Variants in FNDC7 observed in about 807,000 individuals in gnomAD.
The protein encoded by FNDC7 is fibronectin type III domain containing 7, also known as fibronectin type III domain-containing protein 7.
Under a neutral mutation model 74.2 loss-of-function variants are expected in FNDC7, and 66 were observed. That is an observed-to-expected ratio of 0.89 (90% CI 0.73 to 1.09). FNDC7 has a LOEUF of 1.09. Among genes scored for constraint, FNDC7 ranks in the 50% least tolerant of loss-of-function variants. The probability of loss-of-function intolerance (pLI) is 0.00; values close to 1 mark genes in which losing one functional copy is unlikely to be tolerated. For missense variants in FNDC7, 829 were observed against 893.4 expected (o/e 0.93, Z 0.92); for synonymous variants, 307 against 330.2 (o/e 0.93, Z 0.76).
intron 11 of FNDC7, among the ~76,000 whole-genome samples, chr1:108,741,293 G>A (rs957901244): frequency 6.6e-6 from 1 of 152,190 alleles, no homozygotes; most frequent in Non-Finnish European, 1.5e-5. Flanking sequence ...ATCACACCAT[G>A]AGCAGGGGCT....
In FNDC7 at chr1:108,718,023, C is replaced by G. The variant is rs778768706; in HGVS notation, c.329C>G (p.Ala110Gly). 6.4e-7 allele frequency: 1 copy of G among 1,551,350 alleles called. No individual in the cohort carries two copies. The highest frequency in any genetic ancestry group is 1.4e-5 in the African/African-American group (1 of 73,046). The change falls in exon 3 of 13, where the codon GCA (alanine) becomes GGA (glycine). Residue 110 changes from alanine to glycine, a missense_variant. Physicochemically the swap from Ala to Gly is moderately conservative, Grantham distance 60. Transcript: ENST00000370017. ...GRSQASPPKQ[A>G]KTVLAAPILE... is the part of the protein sequence containing the mutation. The stretch of plus-strand genomic sequence containing the variant: ...AGCCAGGCGTCACCTCCAAAGCAGG[C>G]AAAGACAGGTGGCTGGATGGATGCT...
chr1:108,737,152 G>T (rs1271249960), intron 10 of FNDC7, among the ~76,000 whole-genome samples: 1 of 151,852 alleles, frequency 6.6e-6, no homozygotes. Flanking sequence ...GTATTTTTTG[G>T]TAGAGATGGG....
intron 5 of FNDC7, among the ~76,000 whole-genome samples, chr1:108,724,876 T>C (rs1240340600): frequency 3.3e-5 from 5 of 151,244 alleles, no homozygotes. Context: ...AAGTCAGGAG[T>C]TCAAGACCAG....
intron 4 of FNDC7, among the ~76,000 whole-genome samples, chr1:108,721,296 C>A (rs937938715): frequency 6.6e-6 from 1 of 152,136 alleles, no homozygotes; most frequent in Non-Finnish European, 1.5e-5. Flanking sequence ...GGTGAAACCC[C>A]GTCTCTACTA....
chr1:108,718,754 T>C (rs1570724733), intron 3 of FNDC7, 35 bp from the exon 4 acceptor site: 1 of 1,545,508 alleles, frequency 6.5e-7, no homozygotes, highest in East Asian at 2.5e-5. Context: ...TATTGGACTT[T>C]GGTAACACAA....
chr1:108,718,930 C>G lies in FNDC7; in HGVS notation c.479C>G (p.Thr160Ser), dbSNP rs532983452. The G allele has an allele frequency of 1.9e-6, 3 of 1,551,696 alleles. No homozygotes were observed. The highest frequency in any genetic ancestry group is 2.6e-6 in the Non-Finnish European group (3 of 1,146,996). ...TTGGGGAGTATATGGAAAGAGAATACTACAAACACCTCCTTGACATTCACC... is the reference window on the plus strand; with the variant it reads ...TTGGGGAGTATATGGAAAGAGAATAGTACAAACACCTCCTTGACATTCACC... The part of the protein sequence containing the change: ...NGLGSIWKEN[T>S]TNTSLTFTSL... Residue 160 changes from threonine (T) to serine (S), a missense_variant, in exon 4 of 13, where the codon ACT becomes AGT. Physicochemically the swap from Thr to Ser is moderately conservative, Grantham distance 58. Transcript: ENST00000370017.
At position 108,734,744 on chromosome 1, in the gene FNDC7, A is replaced by G. The variant is rs778134933; in HGVS notation, c.2140+1212A>G. 5.3e-5 allele frequency: 8 copies of G among 152,212 alleles called. No individual in the cohort carries two copies. In the South Asian group the frequency reaches 1.4e-3, roughly 28 times the overall value. The allele number at this position is 152,212 out of a possible 1,614,324, so 9.4% of individuals were successfully genotyped here. On this transcript the variant is annotated intron_variant, in intron 10 of 12. Coordinates refer to ENST00000370017, the MANE Select transcript of FNDC7 (RefSeq NM_001144937.3). Reference sequence around the variant, plus strand: ...GCATAGCCCTATGGGAAGGGACAGGAATAGGTTCCTGGTGTCAGGATGAGC... The same window carrying G: ...GCATAGCCCTATGGGAAGGGACAGGGATAGGTTCCTGGTGTCAGGATGAGC...
At chr1:108,727,585 G>A (rs1288096873) in intron 6 of FNDC7, among the ~76,000 whole-genome samples, 1 of 152,122 alleles carries the variant, frequency 6.6e-6, no homozygotes, top group Non-Finnish European at 1.5e-5. Flanking sequence ...GAGTACAGCA[G>A]AACCTTATAG....
At chr1:108,713,246 G>C (rs1660909151) in intron 1 of FNDC7, among the ~76,000 whole-genome samples, 1 of 152,118 alleles carries the variant, frequency 6.6e-6, no homozygotes, top group Non-Finnish European at 1.5e-5. Context: ...TACTGACTTA[G>C]TTCAATAGGC....
Position 108,740,029 on chromosome 1 carries a change from T to A in FNDC7, c.2171-1744T>A, listed in dbSNP as rs1157235651. Among the ~76,000 whole-genome samples, 105 of 109,204 alleles carry A rather than the reference T, an allele frequency of 9.6e-4. 3 individuals are homozygous for A. Among genetic ancestry groups the A allele is most frequent in the African/African-American group, 2.6e-3 (71 of 27,732 alleles). The allele number at this position is 109,204 out of a possible 152,430, so 71.6% of individuals were successfully genotyped here. On this transcript the variant is annotated intron_variant, in intron 11 of 12. Transcript: ENST00000370017. ...CCCCCTGCCCTCAACGCCATCTCTCTAAAAAAAAAAAAAAAAAAAAATCCC... is the reference window on the plus strand; with the variant it reads ...CCCCCTGCCCTCAACGCCATCTCTCAAAAAAAAAAAAAAAAAAAAAATCCC...
intron 1 of FNDC7, 30 bp from the exon 2 acceptor site, chr1:108,713,481 G>T: frequency 6.5e-7 from 1 of 1,546,226 alleles, no homozygotes; most frequent in Non-Finnish European, 8.7e-7. Context: ...TTTTCTGTGT[G>T]GTTCTAATTT....
intron 2 of FNDC7, among the ~76,000 whole-genome samples, chr1:108,717,044 C>T (rs915675860): frequency 1.3e-5 from 2 of 152,190 alleles, no homozygotes; most frequent in Non-Finnish European, 2.9e-5. Context: ...ATGACATAAG[C>T]ATTCATATCT....
Position 108,725,806 on chromosome 1 carries a change from G to A in FNDC7, c.913G>A (p.Val305Met). Residue 305 changes from valine to methionine, a missense_variant, in exon 6 of 13, where the codon GTG becomes ATG. Transcript: ENST00000370017. ...AGAAGATCCCCCTGGCCACCTGTCTGTGGCTTGGTCCAGTGTAGATCTGGG... is the reference window on the plus strand; with the variant it reads ...AGAAGATCCCCCTGGCCACCTGTCTATGGCTTGGTCCAGTGTAGATCTGGG... ...IQEDPPGHLS[V>M]AWSSVDLGDY... 6.2e-7 allele frequency: 1 copy of A among 1,614,182 alleles called. No individual in the cohort carries two copies. Among genetic ancestry groups the A allele is most frequent in the South Asian group, 1.1e-5 (1 of 91,082 alleles).
In FNDC7 at chr1:108,737,501, G is replaced by T; in HGVS notation, c.2147G>T (p.Cys716Phe). 6.3e-7 allele frequency: 1 copy of T among 1,588,992 alleles called. No homozygotes were observed. Among genetic ancestry groups the T allele is most frequent in the Non-Finnish European group, 8.5e-7 (1 of 1,170,604 alleles). ...FCPKKIYSVTCSGSTLGMVIY... is the reference protein window; with the variant it reads ...FCPKKIYSVTFSGSTLGMVIY... Reference sequence around the variant, plus strand: ...GCTTGTGTTTTTATTACAGTAACTTGCTCTGGAAGTACACTTGGAATGGGT... The same window carrying T: ...GCTTGTGTTTTTATTACAGTAACTTTCTCTGGAAGTACACTTGGAATGGGT... Residue 716 changes from cysteine to phenylalanine, a missense_variant, in exon 11 of 13, where the codon TGC (cysteine) becomes TTC (phenylalanine). By Grantham distance (205) the Cys-to-Phe change is radical (BLOSUM62 -2). Transcript: ENST00000370017.
chr1:108,737,794 G>A (rs367946390), intron 11 of FNDC7, among the ~76,000 whole-genome samples: 3 of 152,108 alleles, frequency 2.0e-5, no homozygotes, highest in Non-Finnish European at 2.9e-5. Flanking sequence ...GAGGGGCAGC[G>A]GCTTCATCCC....
intron 1 of FNDC7, 152 bp from the exon 2 acceptor site, chr1:108,713,359 T>A (rs904824318): frequency 4.4e-6 from 3 of 689,536 alleles, no homozygotes; most frequent in East Asian, 2.7e-5. Flanking sequence ...GGGAAATGAT[T>A]TGTGTGGAGA....
At chr1:108,718,081 A>G in intron 3 of FNDC7, 50 bp downstream of exon 3, 1 of 1,540,614 alleles carries the variant, frequency 6.5e-7, no homozygotes, top group Non-Finnish European at 8.8e-7. Flanking sequence ...TGTGACTTGG[A>G]TCAGTTATCC....
chr1:108,726,107 T>C (rs1661216343), intron 6 of FNDC7, 103 bp downstream of exon 6: 1 of 1,395,926 alleles, frequency 7.2e-7, no homozygotes, highest in Admixed American at 2.0e-5. Flanking sequence ...TGGGAGTCAT[T>C]CTAGAGCCAA....
intron 9 of FNDC7, among the ~76,000 whole-genome samples, chr1:108,732,935 ATT>A (rs370493264): frequency 7.4e-5 from 10 of 134,850 alleles, no homozygotes; most frequent in Admixed American, 7.4e-5. Context: ...CAACTGGCTA[ATT>A]TTTTTTTTTT....
Sources: gnomAD v4.1 joint callset for allele counts (sites outside exome capture counted in the v4.1 genomes callset) on GRCh38, gnomAD v4.1.1 for gene constraint, MANE v1.5 for transcripts, NCBI Gene and HGNC (gene_info 2026-07-23, HGNC 2026-07-21) for gene names.